POTEF: variants seen among roughly 807,000 people sequenced by gnomAD.
The protein encoded by POTEF is POTE ankyrin domain family member F.
A neutral mutation model predicts 83.2 loss-of-function variants in POTEF; 20 were observed. That is an observed-to-expected ratio of 0.24 (90% CI 0.17 to 0.35). The LOEUF is 0.35. Ranked by LOEUF, POTEF falls within the 10% of genes least tolerant of loss-of-function variation. POTEF has a pLI of 1.00. For synonymous variants in POTEF, 196 were observed against 446.4 expected, an observed-to-expected ratio of 0.44 and a Z score of 7.07; for missense variants, 550 against 1,203.2, an observed-to-expected ratio of 0.46 and a Z score of 8.03.
At chr2:130,108,770 T>C (rs1684620501) in intron 7 of POTEF, among the ~76,000 whole-genome samples, 1 of 148,974 alleles carries the variant, frequency 6.7e-6, no homozygotes, top group Non-Finnish European at 1.5e-5. Flanking sequence ...GATAATGTGA[T>C]TGTCCACTAT....
In POTEF at chr2:130,110,637, C is replaced by T; in HGVS notation, c.961G>A (p.Val321Ile). 1 of 1,330,720 alleles carries T rather than the reference C, an allele frequency of 7.5e-7. No individual in the cohort carries two copies. 82.4% of individuals were successfully genotyped at this position (1,330,720 alleles called of 1,614,324 possible). A position where few individuals can be genotyped will look rare whatever the true frequency, so the allele number is the denominator to read the frequency against. ...ATATTTTGCTCAAGTAGAAGGCTGA[C>T]TATACTTGCTGATCCACAACATACA... ...LAVCCGSASI[V>I]SLLLEQNIDV... The change falls in exon 7 of 17, where the codon GTC becomes ATC. Residue 321 changes from valine (V) to isoleucine (I), a missense_variant. Coordinates refer to ENST00000409914, the MANE Select transcript of POTEF (RefSeq NM_001099771.2).
chr2:130,110,263 C>T, intron 7 of POTEF, among the ~76,000 whole-genome samples: 1 of 150,606 alleles, frequency 6.6e-6, no homozygotes, highest in Admixed American at 6.6e-5. Flanking sequence ...TATTTTTTAT[C>T]CCTGCATAGG....
At position 130,113,536 on chromosome 2, in the gene POTEF, G is replaced by A. The variant is rs1166510489; in HGVS notation, c.810+1345C>T. Among the ~76,000 whole-genome samples, 37 of 35,288 alleles carry A rather than the reference G, an allele frequency of 1.0e-3. No homozygotes were observed. The South Asian group carries it at 0.013, about 12-fold the overall frequency. The allele number at this position is 35,288 out of a possible 152,430, so 23.2% of individuals were successfully genotyped here. A position where few individuals can be genotyped will look rare whatever the true frequency, so the allele number is the denominator to read the frequency against. On this transcript the variant is annotated intron_variant, in intron 5 of 16. Transcript: ENST00000409914. The stretch of plus-strand genomic sequence containing the variant: ...AATTGTTGTTGTTGTCGTTGTTGTT[G>A]TTGTTGTTGTTAGAGACAGGGTCTC...
chr2:130,123,683 T>G (rs1230850648), intron 2 of POTEF, among the ~76,000 whole-genome samples: 1 of 151,616 alleles, frequency 6.6e-6, no homozygotes, highest in Non-Finnish European at 1.5e-5. Flanking sequence ...TGATTAAAAA[T>G]ACTTGAGATA....
intron 16 of POTEF, among the ~76,000 whole-genome samples, chr2:130,076,368 C>A (rs1317186364): frequency 3.5e-5 from 5 of 143,506 alleles, no homozygotes; most frequent in African/African-American, 1.3e-4. Flanking sequence ...ACAAAAGAAA[C>A]CTTTTGTTTC....
chr2:130,110,491 T>A (rs1474806142), intron 7 of POTEF, 52 bp downstream of exon 7: 1 of 1,157,186 alleles, frequency 8.6e-7, no homozygotes, highest in African/African-American at 1.9e-5. Context: ...ACTGTTATAA[T>A]TATTTTAAAC....
chr2:130,109,615 C>T (rs1573609519), intron 7 of POTEF: 1 of 151,294 alleles, frequency 6.6e-6, no homozygotes, highest in South Asian at 2.1e-4. Context: ...CAGTACAGAT[C>T]TGGTAGCAAA....
chr2:130,128,137 T>A (rs371228235), intron 1 of POTEF, among the ~76,000 whole-genome samples: 6,144 of 139,890 alleles, frequency 0.044, 209 homozygotes, highest in African/African-American at 0.11. Context: ...CAGCCAGCCC[T>A]CCCCACTCAA....
intron 6 of POTEF, among the ~76,000 whole-genome samples, chr2:130,111,750 A>AAG (rs1254094485): frequency 1.3e-5 from 2 of 148,486 alleles, no homozygotes; most frequent in Non-Finnish European, 3.0e-5. Flanking sequence ...AAGCTAACAT[A>AAG]AGATCATGTA....
At chr2:130,122,579 G>A (rs1685022309) in intron 2 of POTEF, among the ~76,000 whole-genome samples, 1 of 149,756 alleles carries the variant, frequency 6.7e-6, no homozygotes, top group Admixed American at 6.7e-5. Context: ...TGTGAAGAAT[G>A]ACATTGGAAT....
At chr2:130,115,506 GA>G (rs1408730436) in intron 3 of POTEF, among the ~76,000 whole-genome samples, 178 bp from the exon 4 acceptor site, 5 of 152,066 alleles carry the variant, frequency 3.3e-5, no homozygotes, top group African/African-American at 1.2e-4. Context: ...CTGTATTAAT[GA>G]AAGGGCAGCC....
At chr2:130,080,199 T>G (rs1683913980) in intron 15 of POTEF, among the ~76,000 whole-genome samples, 1 of 119,388 alleles carries the variant, frequency 8.4e-6, no homozygotes, top group Non-Finnish European at 1.8e-5. Flanking sequence ...TCATTATTTA[T>G]AATTCAAAAT....
chr2:130,111,370 G>A (rs1684706630), intron 6 of POTEF, among the ~76,000 whole-genome samples: 1 of 151,710 alleles, frequency 6.6e-6, no homozygotes, highest in African/African-American at 2.4e-5. Context: ...TTCATTAAAG[G>A]AAAAGTGTAT....
intron 7 of POTEF, 132 bp from the exon 8 acceptor site, chr2:130,108,211 C>T: frequency 7.2e-7 from 1 of 1,395,672 alleles, no homozygotes; most frequent in Non-Finnish European, 9.6e-7. Flanking sequence ...ATCCCACCCA[C>T]TTGTGAGTAC....
intron 12 of POTEF, among the ~76,000 whole-genome samples, chr2:130,088,580 CT>C (rs1278899829): frequency 2.0e-5 from 1 of 50,472 alleles, no homozygotes; most frequent in Non-Finnish European, 3.8e-5. Context: ...AATTTATTTT[CT>C]TTTTTTCTTT....
At chr2:130,117,412 T>A (rs1366607579) in intron 3 of POTEF, among the ~76,000 whole-genome samples, 1 of 151,816 alleles carries the variant, frequency 6.6e-6, no homozygotes, top group African/African-American at 2.4e-5. Flanking sequence ...ACTAATGAAC[T>A]TTAACTAAAA....
intron 3 of POTEF, among the ~76,000 whole-genome samples, chr2:130,118,774 TTTG>T (rs1247436809): frequency 2.0e-5 from 3 of 151,976 alleles, no homozygotes; most frequent in Non-Finnish European, 4.4e-5. Context: ...TGTTTCTCTT[TTTG>T]TATATTTAAA....
At chr2:130,112,869 T>C (rs1573611805) in intron 5 of POTEF, among the ~76,000 whole-genome samples, 1 of 151,808 alleles carries the variant, frequency 6.6e-6, no homozygotes, top group East Asian at 1.9e-4. Flanking sequence ...AAAACTCTGC[T>C]CTTAACGACT....
At chr2:130,121,989 G>A (rs757171448) in intron 2 of POTEF, among the ~76,000 whole-genome samples, 3 of 151,556 alleles carry the variant, frequency 2.0e-5, no homozygotes, top group Non-Finnish European at 4.4e-5. Context: ...CCCAGCCCTA[G>A]GCAATCATCC....
Sources: gnomAD v4.1 joint callset for allele counts (sites outside exome capture counted in the v4.1 genomes callset) on GRCh38, gnomAD v4.1.1 for gene constraint, MANE v1.5 for transcripts, NCBI Gene and HGNC (gene_info 2026-07-23, HGNC 2026-07-21) for gene names.